TMEM117: variants seen among roughly 807,000 people sequenced by gnomAD.
TMEM117 encodes the protein transmembrane protein 117.
A neutral mutation model predicts 52.4 loss-of-function variants in TMEM117; 27 were observed. The observed-to-expected ratio is 0.51, with a 90% confidence interval of 0.38 to 0.71. The LOEUF is 0.71. Among genes scored for constraint, TMEM117 ranks in the 30% least tolerant of loss-of-function variants. The pLI is 0.00. For synonymous variants in TMEM117, 215 were observed against 206.3 expected, an observed-to-expected ratio of 1.04 and a Z score of -0.36; for missense variants, 556 against 630.5, an observed-to-expected ratio of 0.88 and a Z score of 1.26.
intron 4 of TMEM117, among the ~76,000 whole-genome samples, chr12:44,210,850 T>C (rs1949635945): frequency 6.6e-6 from 1 of 152,100 alleles, no homozygotes; most frequent in African/African-American, 2.4e-5. Context: ...ACGAGTACTT[T>C]ACCACACATA....
intron 2 of TMEM117, among the ~76,000 whole-genome samples, chr12:43,878,070 A>C (rs1276789984): frequency 2.1e-5 from 3 of 143,420 alleles, no homozygotes; most frequent in Non-Finnish European, 3.1e-5. Flanking sequence ...AATGAAAAAA[A>C]GTTTTGCTTT....
intron 4 of TMEM117, among the ~76,000 whole-genome samples, chr12:44,145,837 C>A (rs769484414): frequency 6.6e-6 from 1 of 152,156 alleles, no homozygotes; most frequent in Admixed American, 6.5e-5. Flanking sequence ...AAACAATGAA[C>A]CAGCAGGACC....
rs148882043 is a variant in TMEM117, at chr12:43,844,578, A to T, written c.-28-46A>T. On this transcript the variant is annotated intron_variant, in intron 1 of 7. Coordinates refer to ENST00000266534, the MANE Select transcript of TMEM117 (RefSeq NM_032256.3). ...CTGAACTGATAAAAAGAAGAAAGCC[A>T]TTACTTGTTTTCCTCCTCTAACCCT... The T allele has an allele frequency of 1.4e-5, 21 of 1,485,184 alleles. No homozygotes were observed. In the East Asian group the frequency reaches 4.5e-4, roughly 32 times the overall value. 92.0% of individuals were successfully genotyped at this position (1,485,184 alleles called of 1,614,324 possible).
intron 2 of TMEM117, among the ~76,000 whole-genome samples, chr12:43,877,921 A>G (rs1943830846): frequency 6.7e-6 from 1 of 150,142 alleles, no homozygotes; most frequent in South Asian, 2.1e-4. Flanking sequence ...ACACACACAC[A>G]CACACACAGA....
intron 4 of TMEM117, among the ~76,000 whole-genome samples, chr12:44,208,276 T>C (rs2138389324): frequency 6.6e-6 from 1 of 152,216 alleles, no homozygotes; most frequent in South Asian, 2.1e-4. Context: ...CATGATGCGG[T>C]GAGTGCCATA....
intron 4 of TMEM117, among the ~76,000 whole-genome samples, chr12:44,180,290 A>G (rs910005793): frequency 3.3e-5 from 5 of 151,924 alleles, no homozygotes; most frequent in Admixed American, 2.0e-4. Context: ...CATGCAGCTC[A>G]TGTTCCTCTA....
At chr12:44,043,776 CTGTT>C (rs1166509221) in intron 3 of TMEM117, among the ~76,000 whole-genome samples, 1 of 152,102 alleles carries the variant, frequency 6.6e-6, no homozygotes, top group African/African-American at 2.4e-5. Flanking sequence ...TTGAAAATAA[CTGTT>C]TGAGTTCTCT....
intron 4 of TMEM117, among the ~76,000 whole-genome samples, chr12:44,206,115 A>G (rs57907832): frequency 0.24 from 37,043 of 152,110 alleles, 8,004 homozygotes; most frequent in African/African-American, 0.59. Flanking sequence ...ATTTTATTTT[A>G]TTATTTTTTT....
intron 5 of TMEM117, among the ~76,000 whole-genome samples, chr12:44,219,648 A>T (rs1015887670): frequency 1.3e-5 from 2 of 152,174 alleles, no homozygotes; most frequent in African/African-American, 4.8e-5. Context: ...TTGAAATTAA[A>T]TACTATAGTT....
chr12:44,371,231 G>A (rs1255911558), intron 6 of TMEM117, among the ~76,000 whole-genome samples: 1 of 152,144 alleles, frequency 6.6e-6, no homozygotes, highest in African/African-American at 2.4e-5. Context: ...GAAGTTTTTG[G>A]TAGAATGATG....
At chr12:44,254,013 A>AG (rs1337637036) in intron 5 of TMEM117, among the ~76,000 whole-genome samples, 6 of 144,298 alleles carry the variant, frequency 4.2e-5, no homozygotes, top group African/African-American at 1.6e-4. Flanking sequence ...CATTTGACCA[A>AG]AAAAAAAAAA....
chr12:43,991,357 C>T (rs193204239), intron 3 of TMEM117, among the ~76,000 whole-genome samples: 3 of 152,200 alleles, frequency 2.0e-5, no homozygotes, highest in Non-Finnish European at 4.4e-5. Flanking sequence ...CATTTGAGCA[C>T]CTCGGGAGAT....
At chr12:44,209,171 C>A (rs1306059269) in intron 4 of TMEM117, among the ~76,000 whole-genome samples, 1 of 152,018 alleles carries the variant, frequency 6.6e-6, no homozygotes, top group Non-Finnish European at 1.5e-5. Flanking sequence ...CAATTTCTTC[C>A]TCTAGAGAAG....
chr12:44,064,894 T>C (rs1947198683), intron 3 of TMEM117, among the ~76,000 whole-genome samples: 1 of 152,198 alleles, frequency 6.6e-6, no homozygotes, highest in South Asian at 2.1e-4. Flanking sequence ...TTTTAGGTGC[T>C]CTTACCACAT....
At chr12:44,281,419 C>T (rs1165877519) in intron 5 of TMEM117, among the ~76,000 whole-genome samples, 1 of 151,886 alleles carries the variant, frequency 6.6e-6, no homozygotes. Context: ...GATGATATAT[C>T]CTCTTCAAGA....
rs1349979552 is a variant in TMEM117, at chr12:44,277,857, G to A, written c.609-21723G>A. Among the ~76,000 whole-genome samples, 5 of 145,908 alleles carry A rather than the reference G, an allele frequency of 3.4e-5. 1 individual carries two copies. The highest frequency in any genetic ancestry group is 4.3e-4 in the South Asian group (2 of 4,608). The stretch of plus-strand genomic sequence containing the variant: ...CGGCTCACTGCAACCTCCACCTTCC[G>A]GGTTCAAGCGATTCTCCTGCCTCAG... On this transcript the variant is annotated intron_variant, in intron 5 of 7. Coordinates refer to ENST00000266534, the MANE Select transcript of TMEM117 (RefSeq NM_032256.3).
intron 6 of TMEM117, among the ~76,000 whole-genome samples, chr12:44,374,091 A>G (rs1951904540): frequency 6.6e-6 from 1 of 151,856 alleles, no homozygotes; most frequent in Admixed American, 6.6e-5. Flanking sequence ...CAGGATGTCC[A>G]TTTTCTATTA....
chr12:44,018,913 TTTCACCGTGTTGGCCAGGATGG>T (rs1484473413), intron 3 of TMEM117, among the ~76,000 whole-genome samples: 1 of 151,882 alleles, frequency 6.6e-6, no homozygotes, highest in Non-Finnish European at 1.5e-5. Context: ...AGAGATGGGG[TTTCACCGTGTTGGCCAGGATGG>T]TCTTGATCCG....
intron 3 of TMEM117, among the ~76,000 whole-genome samples, chr12:44,088,206 A>G (rs1947604449): frequency 2.0e-5 from 3 of 152,202 alleles, no homozygotes; most frequent in Non-Finnish European, 4.4e-5. Flanking sequence ...GCTTCCCAGC[A>G]ACACTTTAGG....
Sources: allele counts gnomAD v4.1 joint callset (sites outside exome capture counted in the v4.1 genomes callset), GRCh38; gene constraint gnomAD v4.1.1; transcripts MANE v1.5; gene names NCBI Gene and HGNC (gene_info 2026-07-23, HGNC 2026-07-21).